The following NRXN1 variants were observed in gnomAD, a reference collection of about 807,000 sequenced individuals.
NRXN1 encodes neurexin 1.
A neutral mutation model predicts 150.9 loss-of-function variants in NRXN1; 39 were observed. The ratio of observed to expected loss-of-function variants is 0.26; its 90% CI spans 0.20 to 0.34. The LOEUF is 0.34. NRXN1 is among the 10% of genes least tolerant of loss of function. The pLI is 1.00. For missense variants in NRXN1, 1,815 were observed against 1,949.9 expected, an observed-to-expected ratio of 0.93 and a Z score of 1.30; for synonymous variants, 924 against 757.0, an observed-to-expected ratio of 1.22 and a Z score of -3.62.
At chr2:50,585,293 A>G (rs367803150) in intron 8 of NRXN1, among the ~76,000 whole-genome samples, 42 of 152,324 alleles carry the variant, frequency 2.8e-4, no homozygotes, top group Middle Eastern at 3.4e-3. Context: ...ATATTGTATG[A>G]TTCCACCTAT....
intron 2 of NRXN1, among the ~76,000 whole-genome samples, chr2:51,018,139 T>G (rs368972563): frequency 3.9e-5 from 6 of 152,102 alleles, no homozygotes; most frequent in African/African-American, 1.4e-4. Flanking sequence ...TCTCATCAGT[T>G]GTGTTTCCAT....
chr2:50,423,459 C>G (rs375844973), intron 17 of NRXN1, among the ~76,000 whole-genome samples: 15 of 152,038 alleles, frequency 9.9e-5, no homozygotes, highest in African/African-American at 3.4e-4. Flanking sequence ...CCATCTTATT[C>G]TATCTTTAGC....
intron 17 of NRXN1, among the ~76,000 whole-genome samples, chr2:50,450,816 C>T (rs1196405557): frequency 6.6e-6 from 1 of 152,132 alleles, no homozygotes; most frequent in Non-Finnish European, 1.5e-5. Flanking sequence ...ATCATAGCAG[C>T]TTTTAGCACA....
At chr2:50,237,386 CAG>C (rs2065560503) in intron 17 of NRXN1, among the ~76,000 whole-genome samples, 1 of 152,004 alleles carries the variant, frequency 6.6e-6, no homozygotes, top group South Asian at 2.1e-4. Context: ...GCAGATGTGA[CAG>C]GGTCATACAG....
chr2:50,022,682 G>T (rs897967130), intron 21 of NRXN1: 1 of 152,076 alleles, frequency 6.6e-6, no homozygotes, highest in African/African-American at 2.4e-5. Context: ...TCATACTTTG[G>T]AACAGAATCA....
chr2:49,922,267 T>G lies in NRXN1; in HGVS notation c.4217-16A>C, dbSNP rs74520052. The G allele has an allele frequency of 1.6e-3, 2,645 of 1,607,858 alleles. 45 individuals carry two copies. The African/African-American group carries it at 0.032, about 19-fold the overall frequency. ...GTTGGGTTGGCTATAGAAAAGAGGA[T>G]GAGAACAAACACAAAGTGATCATTG... On this transcript the variant is annotated splice_polypyrimidine_tract_variant and intron_variant, in intron 22 of 22. Transcript: ENST00000401669.
At chr2:50,356,905 A>G (rs1046662230) in intron 17 of NRXN1, among the ~76,000 whole-genome samples, 3 of 152,202 alleles carry the variant, frequency 2.0e-5, no homozygotes, top group Non-Finnish European at 4.4e-5. Context: ...CACCTAATCA[A>G]AGAGATACAA....
At chr2:50,247,658 C>T (rs984501809) in intron 17 of NRXN1, among the ~76,000 whole-genome samples, 6 of 151,956 alleles carry the variant, frequency 3.9e-5, no homozygotes, top group Non-Finnish European at 7.4e-5. Flanking sequence ...CATCAAGAGT[C>T]GAGGGCAGGA....
intron 18 of NRXN1, among the ~76,000 whole-genome samples, chr2:50,189,372 G>A (rs1020949133): frequency 1.3e-5 from 2 of 152,012 alleles, no homozygotes; most frequent in Admixed American, 6.6e-5. Context: ...GCTGGGGGTT[G>A]GGGGGTAGGG....
rs147335562 is a variant in NRXN1, at chr2:50,711,403, T to C, written c.833-87788A>G. Among the ~76,000 whole-genome samples the C allele has an allele frequency of 5.4e-3, 808 of 150,842 alleles. 38 individuals are homozygous for C. In the East Asian group the frequency reaches 0.13, roughly 24 times the overall value. ...CAGGCTGGAGTGCAATGGCACAATC[T>C]TGGCTCACTGCAACCTCCGCCTCCC... is the stretch of plus-strand genomic sequence containing the variant. On this transcript the variant is annotated intron_variant, in intron 5 of 22. Coordinates refer to ENST00000401669, the MANE Select transcript of NRXN1 (RefSeq NM_001330078.2).
intron 21 of NRXN1, among the ~76,000 whole-genome samples, chr2:49,993,323 T>C (rs1573281074): frequency 6.6e-6 from 1 of 152,120 alleles, no homozygotes; most frequent in Non-Finnish European, 1.5e-5. Flanking sequence ...GGCAATAATA[T>C]GGTATAATTC....
chr2:50,296,027 C>A (rs2073517372), intron 17 of NRXN1, among the ~76,000 whole-genome samples: 1 of 152,154 alleles, frequency 6.6e-6, no homozygotes, highest in South Asian at 2.1e-4. Context: ...TTTACAAAAG[C>A]CATTACTCCA....
At chr2:50,583,842 A>T (rs550770271) in intron 8 of NRXN1, among the ~76,000 whole-genome samples, 4 of 152,344 alleles carry the variant, frequency 2.6e-5, no homozygotes, top group African/African-American at 9.6e-5. Context: ...TAAGATGATG[A>T]TACACAAAAT....
intron 18 of NRXN1, among the ~76,000 whole-genome samples, chr2:50,218,940 G>C (rs181053519): frequency 1.3e-5 from 2 of 151,984 alleles, no homozygotes; most frequent in Admixed American, 6.6e-5. Flanking sequence ...TTTCAAGAGA[G>C]ATATTCCAAT....
At chr2:50,513,759 C>T (rs557527412) in intron 12 of NRXN1, among the ~76,000 whole-genome samples, 18 of 152,114 alleles carry the variant, frequency 1.2e-4, no homozygotes, top group African/African-American at 4.3e-4. Context: ...AGAGACAAAA[C>T]TGGCAGATGC....
At chr2:50,191,775 T>A (rs1227781894) in intron 18 of NRXN1, among the ~76,000 whole-genome samples, 1 of 152,212 alleles carries the variant, frequency 6.6e-6, no homozygotes, top group Non-Finnish European at 1.5e-5. Flanking sequence ...TCCTTTTTAT[T>A]GTTGCATAGT....
intron 5 of NRXN1, among the ~76,000 whole-genome samples, chr2:50,640,488 C>T (rs973430337): frequency 2.0e-5 from 3 of 152,126 alleles, no homozygotes; most frequent in Non-Finnish European, 2.9e-5. Flanking sequence ...AAATGCATTT[C>T]TTCCTCCCCT....
At chr2:50,723,669 A>T (rs1430895809) in intron 5 of NRXN1, among the ~76,000 whole-genome samples, 1 of 152,222 alleles carries the variant, frequency 6.6e-6, no homozygotes, top group African/African-American at 2.4e-5. Context: ...AGCTGAGCAT[A>T]GATCAGTACC....
intron 12 of NRXN1, among the ~76,000 whole-genome samples, chr2:50,517,737 T>C (rs2092670610): frequency 6.6e-6 from 1 of 152,122 alleles, no homozygotes; most frequent in Non-Finnish European, 1.5e-5. Context: ...AAGGAAATAG[T>C]TGGCTTAGAA....
Sources: allele counts gnomAD v4.1 joint callset (sites outside exome capture counted in the v4.1 genomes callset), GRCh38; gene constraint gnomAD v4.1.1; transcripts MANE v1.5; gene names NCBI Gene and HGNC (gene_info 2026-07-23, HGNC 2026-07-21).